The following TTC27 variants were observed in gnomAD, a reference collection of about 807,000 sequenced individuals.
TTC27 encodes the protein tetratricopeptide repeat domain 27, also known as tetratricopeptide repeat protein 27.
Under a neutral mutation model 115.9 loss-of-function variants are expected in TTC27, and 79 were observed. The observed-to-expected ratio is 0.68, with a 90% confidence interval of 0.57 to 0.82. The LOEUF is 0.82. Ranked by LOEUF, TTC27 falls within the 40% of genes least tolerant of loss-of-function variation. The pLI is 0.00. For synonymous variants in TTC27, 401 were observed against 356.0 expected, an observed-to-expected ratio of 1.13 and a Z score of -1.42; for missense variants, 1,054 against 993.1, an observed-to-expected ratio of 1.06 and a Z score of -0.82.
At chr2:32,805,489 C>A (rs1000519333) in intron 16 of TTC27, among the ~76,000 whole-genome samples, 1 of 152,100 alleles carries the variant, frequency 6.6e-6, no homozygotes, top group Non-Finnish European at 1.5e-5. Flanking sequence ...TACCTGCTTC[C>A]TAGGGTTATT....
intron 13 of TTC27, among the ~76,000 whole-genome samples, chr2:32,771,199 C>G (rs1669818625): frequency 6.6e-6 from 1 of 152,138 alleles, no homozygotes; most frequent in Non-Finnish European, 1.5e-5. Flanking sequence ...TAATCTCTAC[C>G]TGGATTTGCT....
chr2:32,640,597 A>C (rs1664605729), intron 4 of TTC27, among the ~76,000 whole-genome samples, 187 bp downstream of exon 4: 1 of 152,242 alleles, frequency 6.6e-6, no homozygotes, highest in Non-Finnish European at 1.5e-5. Flanking sequence ...TCTAGTTTAG[A>C]ATGAGATTAT....
chr2:32,761,862 T>C (rs1409835132), intron 13 of TTC27, among the ~76,000 whole-genome samples: 1 of 152,148 alleles, frequency 6.6e-6, no homozygotes, highest in Non-Finnish European at 1.5e-5. Context: ...CTTGTACTTA[T>C]CAGATATTCA....
chr2:32,755,202 A>G (rs534441282), intron 12 of TTC27, among the ~76,000 whole-genome samples: 27 of 152,132 alleles, frequency 1.8e-4, no homozygotes, highest in Non-Finnish European at 3.8e-4. Context: ...AGAGGCTGCA[A>G]TCTCGGCACT....
intron 16 of TTC27, among the ~76,000 whole-genome samples, chr2:32,805,433 C>G (rs1671095627): frequency 6.6e-6 from 1 of 152,152 alleles, no homozygotes; most frequent in African/African-American, 2.4e-5. Flanking sequence ...TTTGTTTTAC[C>G]TCTTTAAGCC....
chr2:32,666,556 C>T, intron 6 of TTC27, 79 bp from the exon 7 acceptor site: 1 of 1,445,946 alleles, frequency 6.9e-7, no homozygotes, highest in South Asian at 1.5e-5. Context: ...CTCTAAAGCA[C>T]TCTGAAAATA....
At chr2:32,691,961 T>C (rs1666826140) in intron 9 of TTC27, among the ~76,000 whole-genome samples, 1 of 151,168 alleles carries the variant, frequency 6.6e-6, no homozygotes, top group Non-Finnish European at 1.5e-5. Context: ...GATAAGTACA[T>C]GGTTGCAAAT....
chr2:32,803,967 A>G (rs1572629386), intron 16 of TTC27, among the ~76,000 whole-genome samples: 1 of 151,666 alleles, frequency 6.6e-6, no homozygotes, highest in Non-Finnish European at 1.5e-5. Flanking sequence ...AGATTGTGCC[A>G]CTGCACTCCA....
chr2:32,639,718 A>G (rs1664568310), intron 3 of TTC27, among the ~76,000 whole-genome samples: 1 of 152,134 alleles, frequency 6.6e-6, no homozygotes, highest in Admixed American at 6.6e-5. Flanking sequence ...CTAAAGTTTG[A>G]ACATGCCAGG....
At chr2:32,725,460 C>T (rs577381348) in intron 10 of TTC27, among the ~76,000 whole-genome samples, 4 of 152,240 alleles carry the variant, frequency 2.6e-5, no homozygotes, top group South Asian at 4.2e-4. Context: ...CGAAATCCAG[C>T]GGGGCAATCA....
intron 4 of TTC27, among the ~76,000 whole-genome samples, chr2:32,642,479 C>T (rs1664689603): frequency 6.6e-6 from 1 of 151,934 alleles, no homozygotes; most frequent in African/African-American, 2.4e-5. Flanking sequence ...TTTCAAACTC[C>T]TAGCCTCAGG....
In TTC27 at chr2:32,771,401, G is replaced by C. The variant is rs920699285; in HGVS notation, c.1681-6481G>C. Among the ~76,000 whole-genome samples the C allele has an allele frequency of 3.3e-5, 5 of 152,150 alleles. No individual in the cohort carries two copies. In the East Asian group the frequency reaches 9.6e-4, roughly 29 times the overall value. On this transcript the variant is annotated intron_variant, in intron 13 of 19. Coordinates refer to ENST00000317907, the MANE Select transcript of TTC27 (RefSeq NM_017735.5). The stretch of plus-strand genomic sequence containing the variant: ...ATCTAACAGGAGAATCTCACATGCA[G>C]ATGACATATAAACACCTGTGTTACT...
At chr2:32,651,233 G>A (rs1665111058) in intron 5 of TTC27, among the ~76,000 whole-genome samples, 1 of 152,148 alleles carries the variant, frequency 6.6e-6, no homozygotes, top group Non-Finnish European at 1.5e-5. Flanking sequence ...CATTCTATGT[G>A]GAGAAAAGTG....
At chr2:32,674,953 C>T (rs1666146597) in intron 8 of TTC27, among the ~76,000 whole-genome samples, 1 of 152,186 alleles carries the variant, frequency 6.6e-6, no homozygotes, top group East Asian at 1.9e-4. Context: ...TGAGCCACCG[C>T]ACTTGGCCCT....
At chr2:32,722,400 C>T (rs189327136) in intron 10 of TTC27, among the ~76,000 whole-genome samples, 1 of 152,326 alleles carries the variant, frequency 6.6e-6, no homozygotes, top group Admixed American at 6.5e-5. Context: ...TTATACAGAG[C>T]TGTGTGTAGT....
chr2:32,773,622 C>T (rs960737923), intron 13 of TTC27, among the ~76,000 whole-genome samples: 3 of 152,152 alleles, frequency 2.0e-5, no homozygotes, highest in Non-Finnish European at 2.9e-5. Flanking sequence ...GACTCTTTGT[C>T]GCCTCTCTTA....
chr2:32,685,646 T>C (rs1421470806), intron 9 of TTC27, among the ~76,000 whole-genome samples: 3 of 152,126 alleles, frequency 2.0e-5, no homozygotes, highest in Non-Finnish European at 2.9e-5. Flanking sequence ...ATTATCTTAA[T>C]AGAAACAAAA....
intron 16 of TTC27, among the ~76,000 whole-genome samples, chr2:32,787,808 CTAAA>C (rs34416911): frequency 2.0e-5 from 3 of 151,004 alleles, no homozygotes; most frequent in Admixed American, 1.3e-4. Context: ...AACTCTGTCT[CTAAA>C]TAAATAAATA....
intron 13 of TTC27, among the ~76,000 whole-genome samples, chr2:32,763,396 A>G (rs1193749628): frequency 1.3e-5 from 2 of 152,232 alleles, no homozygotes; most frequent in East Asian, 3.9e-4. Flanking sequence ...TCTTTTTTAG[A>G]CATATCCAAA....
Sources: allele counts gnomAD v4.1 joint callset (sites outside exome capture counted in the v4.1 genomes callset), GRCh38; gene constraint gnomAD v4.1.1; transcripts MANE v1.5; gene names NCBI Gene and HGNC (gene_info 2026-07-23, HGNC 2026-07-21).